The following RPS29 variants were observed in gnomAD, a reference collection of about 807,000 sequenced individuals.
RPS29 encodes small ribosomal subunit protein uS14.
For synonymous variants in RPS29, 37 were observed against 26.9 expected, an observed-to-expected ratio of 1.37 and a Z score of -1.16; for missense variants, 60 against 75.7, an observed-to-expected ratio of 0.79 and a Z score of 0.77.
intron 1 of RPS29, among the ~76,000 whole-genome samples, chr14:49,592,825 T>C (rs1881744714): frequency 6.6e-6 from 1 of 151,676 alleles, no homozygotes; most frequent in South Asian, 2.1e-4. Context: ...GGAGAATCGT[T>C]TGAACCCAGA....
In RPS29 at chr14:49,593,766, G is replaced by A. The variant is rs117387503; in HGVS notation, c.-133+4634C>T. ...CTCACAAGAAAGGGGTATACTGGGG[G>A]CAGGTGCTAAGTGGGAACTGAAAAA... is the stretch of plus-strand genomic sequence containing the variant. On this transcript the variant is annotated intron_variant, in intron 1 of 3. Transcript: ENST00000556230. 2.9e-3 allele frequency among the ~76,000 whole-genome samples: 436 copies of A among 150,980 alleles called. 1 individual carries two copies. Among genetic ancestry groups the A allele is most frequent in the Non-Finnish European group, 4.5e-3 (307 of 67,858 alleles).
At chr14:49,587,850 T>G (rs1343884741), upstream of RPS29, among the ~76,000 whole-genome samples, 1 of 152,194 alleles carries the variant, frequency 6.6e-6, no homozygotes, top group Non-Finnish European at 1.5e-5. Context: ...GAATGGGATT[T>G]CTACAGGCAG....
At chr14:49,580,605 C>G (rs1836194476), downstream of RPS29, among the ~76,000 whole-genome samples, 1 of 152,236 alleles carries the variant, frequency 6.6e-6, no homozygotes, top group African/African-American at 2.4e-5. Flanking sequence ...GGAGCGATGG[C>G]TCATGCCTGT....
rs767298221 is a variant in RPS29 at position 49,585,922 on chromosome 14, A to C, written c.162+28T>G. The C allele has an allele frequency of 6.4e-6, 10 of 1,569,642 alleles. No individual in the cohort carries two copies. The Admixed American group carries it at 1.7e-4, about 26-fold the overall frequency. On this transcript the variant is annotated intron_variant, in intron 2 of 2. Coordinates refer to ENST00000245458, the MANE Select transcript of RPS29 (RefSeq NM_001032.5). ...CCCCCACAACCTTCTCTGCCCAAACAACATGGAGTACGCCTGCAGACGCCT... is the reference window on the plus strand; with the variant it reads ...CCCCCACAACCTTCTCTGCCCAAACCACATGGAGTACGCCTGCAGACGCCT...
At chr14:49,598,562 C>G (rs1018082281) in exon 1 of RPS29, 3 of 702,292 alleles carry the variant, frequency 4.3e-6, no homozygotes, top group Non-Finnish European at 7.8e-6. Flanking sequence ...CGGGGCCACT[C>G]AGACAGTTCT....
chr14:49,592,908 C>CAA (rs144035598), intron 1 of RPS29, among the ~76,000 whole-genome samples: 1 of 146,368 alleles, frequency 6.8e-6, no homozygotes, highest in Non-Finnish European at 1.5e-5. Context: ...AACCGCATCT[C>CAA]AAAAAAAAAA....
upstream of RPS29, among the ~76,000 whole-genome samples, chr14:49,589,202 G>A (rs568138795): frequency 1.2e-3 from 178 of 152,040 alleles, 1 homozygote; most frequent in African/African-American, 4.3e-3. Flanking sequence ...TTTTATACAT[G>A]GGTTTGAAAT....
exon 3 of RPS29, chr14:49,572,585 T>C (rs1466646086): frequency 6.6e-6 from 1 of 152,190 alleles, no homozygotes; most frequent in Non-Finnish European, 1.5e-5. Context: ...GTGGTGGAGT[T>C]TTCTGGAACA....
chr14:49,579,606 A>T (rs746001648), downstream of RPS29, among the ~76,000 whole-genome samples: 1 of 152,166 alleles, frequency 6.6e-6, no homozygotes. Flanking sequence ...CTCCTATAGC[A>T]CCTACCATCT....
At chr14:49,586,573 T>A (rs575274600), upstream of RPS29, 1 of 557,772 alleles carries the variant, frequency 1.8e-6, no homozygotes, top group Non-Finnish European at 3.2e-6. Flanking sequence ...TGCGCCGGTA[T>A]CCGACCGCCG....
chr14:49,585,101 G>C (rs11629047), intron 2 of RPS29, among the ~76,000 whole-genome samples: 71,780 of 151,952 alleles, frequency 0.47, 17,885 homozygotes, highest in Middle Eastern at 0.57. Flanking sequence ...CGGGCGCGGT[G>C]GCTCACGCCT....
intron 1 of RPS29, among the ~76,000 whole-genome samples, chr14:49,595,745 G>A (rs1881806977): frequency 1.3e-5 from 2 of 152,222 alleles, no homozygotes; most frequent in Admixed American, 6.5e-5. Flanking sequence ...GGGCGCGGTG[G>A]CTCACGCCTG....
At chr14:49,581,729 C>G (rs12888224), downstream of RPS29, among the ~76,000 whole-genome samples, 23,730 of 152,128 alleles carry the variant, frequency 0.16, 2,210 homozygotes, top group Admixed American at 0.26. Flanking sequence ...CTTCAACAAA[C>G]CTTGTCTCCC....
intron 1 of RPS29, among the ~76,000 whole-genome samples, chr14:49,593,090 T>C (rs917284321): frequency 1.3e-5 from 2 of 152,294 alleles, no homozygotes; most frequent in South Asian, 4.1e-4. Flanking sequence ...TTTTTTCTCC[T>C]CCCAAATGGC....
exon 3 of RPS29, chr14:49,571,255 T>C (rs970498871): frequency 2.0e-5 from 3 of 152,194 alleles, no homozygotes; most frequent in African/African-American, 7.2e-5. Context: ...CAAAGAATGA[T>C]GCCCTCAGAC....
At chr14:49,590,364 T>C (rs2139518988), upstream of RPS29, among the ~76,000 whole-genome samples, 1 of 151,886 alleles carries the variant, frequency 6.6e-6, no homozygotes, top group African/African-American at 2.4e-5. Context: ...TAGTCCCAGC[T>C]ACTCTGGAGG....
chr14:49,591,325 A>G (rs1881705297), upstream of RPS29, among the ~76,000 whole-genome samples: 2 of 143,468 alleles, frequency 1.4e-5, no homozygotes, highest in African/African-American at 5.1e-5. Flanking sequence ...TTGTTTTCAC[A>G]GAGTCTCACT....
At chr14:49,589,367 G>A (rs1239260511), upstream of RPS29, among the ~76,000 whole-genome samples, 1 of 151,076 alleles carries the variant, frequency 6.6e-6, no homozygotes, top group African/African-American at 2.4e-5. Context: ...TTTTTCTTTT[G>A]AAAAACTAAA....
exon 3 of RPS29, chr14:49,575,924 A>T (rs1881166982): frequency 6.6e-6 from 1 of 152,200 alleles, no homozygotes; most frequent in African/African-American, 2.4e-5. Context: ...CCTCATCTAG[A>T]TTAAGCTTGT....
Sources: allele counts gnomAD v4.1 joint callset (sites outside exome capture counted in the v4.1 genomes callset), GRCh38; gene constraint gnomAD v4.1.1; transcripts MANE v1.5; gene names NCBI Gene and HGNC (gene_info 2026-07-23, HGNC 2026-07-21).